Variants in DEPDC1 observed in about 807,000 individuals in gnomAD.
DEPDC1 encodes the protein DEP domain-containing protein 1A.
In DEPDC1, 66 loss-of-function variants were observed where a neutral mutation model predicts 86.8. The observed-to-expected ratio is 0.76, with a 90% CI of 0.62 to 0.93. The LOEUF is 0.93. Among genes scored for constraint, DEPDC1 ranks in the 40% least tolerant of loss-of-function variants. The pLI, the probability that DEPDC1 is intolerant of heterozygous loss-of-function variation, is 0.00. For missense variants in DEPDC1, 792 were observed against 935.7 expected, an observed-to-expected ratio of 0.85 and a Z score of 2.00; for synonymous variants, 255 against 314.9, an observed-to-expected ratio of 0.81 and a Z score of 2.02.
chr1:68,478,446 A>ATTT (rs34245196), intron 10 of DEPDC1, among the ~76,000 whole-genome samples: 2 of 146,270 alleles, frequency 1.4e-5, no homozygotes, highest in African/African-American at 5.0e-5. Context: ...GTTTTCATGT[A>ATTT]TTTTTTTTTT....
In DEPDC1 at chr1:68,479,203, C is replaced by T; in HGVS notation, c.2053G>A (p.Val685Ile). Residue 685 changes from valine to isoleucine, a missense_variant, in exon 10 of 12, where the codon GTA becomes ATA. Coordinates refer to ENST00000456315, the MANE Select transcript of DEPDC1 (RefSeq NM_001114120.3). ...ACTGCAGTCTGTAAGTAAGAGGGTA[C>T]TTGAAGAATTTCCTGATGATGATCC... The part of the protein sequence containing the change: ...LMDHHQEILQ[V>I]PSYLQTAVEK... 1.2e-6 allele frequency: 2 copies of T among 1,612,066 alleles called. No individual in the cohort carries two copies. Among genetic ancestry groups the T allele is most frequent in the Non-Finnish European group, 1.7e-6 (2 of 1,179,250 alleles).
At chr1:68,491,066 A>G (rs957151020) in intron 2 of DEPDC1, among the ~76,000 whole-genome samples, 2 of 152,234 alleles carry the variant, frequency 1.3e-5, no homozygotes, top group African/African-American at 4.8e-5. Flanking sequence ...TGTAAAACCC[A>G]AAACTATAAA....
In DEPDC1 at chr1:68,474,546, C is replaced by T. The variant is rs895678726; in HGVS notation, c.*2386G>A. Reference sequence around the variant, plus strand: ...CCAGACATCATCTGATCTGGTGAAACCTGTGCATTCCCACAATTAGGCTTT... The same window carrying T: ...CCAGACATCATCTGATCTGGTGAAATCTGTGCATTCCCACAATTAGGCTTT... On this transcript the variant is annotated 3_prime_UTR_variant, in exon 12 of 12. Transcript: ENST00000456315. 6 of 152,008 alleles carry T rather than the reference C, an allele frequency of 3.9e-5. No individual in the cohort carries two copies. Among genetic ancestry groups the T allele is most frequent in the African/African-American group, 4.8e-5 (2 of 41,404 alleles). 9.4% of individuals were successfully genotyped at this position (152,008 alleles called of 1,614,324 possible).
chr1:68,491,259 G>A (rs957690050), intron 2 of DEPDC1, among the ~76,000 whole-genome samples: 1 of 152,092 alleles, frequency 6.6e-6, no homozygotes, highest in Non-Finnish European at 1.5e-5. Flanking sequence ...TATCGAATGG[G>A]AGAAAATTTT....
Position 68,474,704 on chromosome 1 carries a change from T to TCATC in DEPDC1, c.*2227_*2228insGATG, listed in dbSNP as rs1646103031. On this transcript the variant is annotated 3_prime_UTR_variant, in exon 12 of 12. Coordinates refer to ENST00000456315, the MANE Select transcript of DEPDC1 (RefSeq NM_001114120.3). Reference sequence around the variant, plus strand: ...CCAGTCAACTCATCTATATTTGAACTTAAAGATCTTTATGTTAGAATGGAA... The same window carrying TCATC: ...CCAGTCAACTCATCTATATTTGAACTCATCTAAAGATCTTTATGTTAGAATGGAA... 6.6e-6 allele frequency: 1 copy of TCATC among 152,034 alleles called. No homozygotes were observed. The highest frequency in any genetic ancestry group is 2.1e-4 in the South Asian group (1 of 4,822). 9.4% of individuals were successfully genotyped at this position (152,034 alleles called of 1,614,324 possible). A position where few individuals can be genotyped will look rare whatever the true frequency, so the allele number is the denominator to read the frequency against.
At chr1:68,482,971 A>C (rs1176639464) in intron 7 of DEPDC1, 74 bp from the exon 8 acceptor site, 1 of 1,439,550 alleles carries the variant, frequency 6.9e-7, no homozygotes, top group Non-Finnish European at 9.4e-7. Flanking sequence ...AACAATAGTA[A>C]AGTTAAAAAA....
At chr1:68,483,756 G>A (rs1331472235) in intron 7 of DEPDC1, among the ~76,000 whole-genome samples, 194 bp downstream of exon 7, 1 of 152,026 alleles carries the variant, frequency 6.6e-6, no homozygotes, top group Non-Finnish European at 1.5e-5. Flanking sequence ...AGTCTGGTAG[G>A]GGGTTGAGGG....
At chr1:68,494,841 C>T in intron 1 of DEPDC1, 146 bp from the exon 2 acceptor site, 1 of 799,454 alleles carries the variant, frequency 1.3e-6, no homozygotes. Flanking sequence ...CTTATTTGTG[C>T]CATATAAAAT....
chr1:68,480,037 A>G (rs1646144580), intron 9 of DEPDC1, among the ~76,000 whole-genome samples: 1 of 152,048 alleles, frequency 6.6e-6, no homozygotes, highest in Non-Finnish European at 1.5e-5. Context: ...GAACACTTCT[A>G]TTCATAAGTG....
chr1:68,479,041 T>G (rs750079028), intron 10 of DEPDC1, 103 bp downstream of exon 10: 2 of 978,786 alleles, frequency 2.0e-6, no homozygotes, highest in Non-Finnish European at 3.1e-6. Context: ...AGAGGTTGTT[T>G]ATGGGAGCTG....
intron 5 of DEPDC1, among the ~76,000 whole-genome samples, chr1:68,487,597 C>T (rs1159899271): frequency 1.3e-5 from 2 of 151,854 alleles, no homozygotes; most frequent in East Asian, 1.9e-4. Context: ...GGTCTACAGC[C>T]ACATACATAT....
chr1:68,484,635 G>A (rs989856678), intron 6 of DEPDC1, among the ~76,000 whole-genome samples: 1 of 151,958 alleles, frequency 6.6e-6, no homozygotes, highest in Non-Finnish European at 1.5e-5. Flanking sequence ...AACTGAGGCT[G>A]AGAGTACCTT....
chr1:68,485,297 T>C (rs1646186135), intron 6 of DEPDC1, among the ~76,000 whole-genome samples: 5 of 151,928 alleles, frequency 3.3e-5, no homozygotes, highest in Admixed American at 2.0e-4. Flanking sequence ...AGAAAATACA[T>C]GTTTACAGGA....
chr1:68,488,298 G>T, intron 5 of DEPDC1, 76 bp downstream of exon 5: 1 of 1,329,398 alleles, frequency 7.5e-7, no homozygotes, highest in South Asian at 1.8e-5. Context: ...TCAATATTTG[G>T]GTCTCTCTTT....
intron 6 of DEPDC1, among the ~76,000 whole-genome samples, 181 bp from the exon 7 acceptor site, chr1:68,484,271 A>C (rs890285936): frequency 6.6e-6 from 1 of 152,096 alleles, no homozygotes; most frequent in Non-Finnish European, 1.5e-5. Flanking sequence ...CACTGGAAGC[A>C]GTCAATTGCT....
intron 2 of DEPDC1, among the ~76,000 whole-genome samples, chr1:68,492,409 G>A (rs1646235913): frequency 6.6e-6 from 1 of 151,896 alleles, no homozygotes; most frequent in Non-Finnish European, 1.5e-5. Context: ...TGTTACGATC[G>A]TAAAAGACTA....
chr1:68,493,701 G>A (rs1419463465), intron 2 of DEPDC1, among the ~76,000 whole-genome samples: 1 of 152,136 alleles, frequency 6.6e-6, no homozygotes, highest in East Asian at 1.9e-4. Context: ...TCTTTAACCT[G>A]TGGTATATTT....
At chr1:68,495,228 T>G (rs1168079067) in intron 1 of DEPDC1, among the ~76,000 whole-genome samples, 1 of 152,214 alleles carries the variant, frequency 6.6e-6, no homozygotes, top group Non-Finnish European at 1.5e-5. Context: ...GCTTTTTTAT[T>G]AGAAGAACTT....
rs981295938 is a variant in DEPDC1 at position 68,486,411 on chromosome 1, A to G, written c.769+526T>C. ...AGGCCTCCTCAGCCATGTTTCCTATACAACCTGTGGAACCATGAGCCAATT... is the reference window on the plus strand; with the variant it reads ...AGGCCTCCTCAGCCATGTTTCCTATGCAACCTGTGGAACCATGAGCCAATT... On this transcript the variant is annotated intron_variant, in intron 6 of 11. Coordinates refer to ENST00000456315, the MANE Select transcript of DEPDC1 (RefSeq NM_001114120.3). 4.6e-5 allele frequency among the ~76,000 whole-genome samples: 7 copies of G among 152,158 alleles called. No individual in the cohort carries two copies. In the East Asian group the frequency reaches 1.2e-3, roughly 25 times the overall value.
Sources: allele counts gnomAD v4.1 joint callset (sites outside exome capture counted in the v4.1 genomes callset), GRCh38; gene constraint gnomAD v4.1.1; transcripts MANE v1.5; gene names NCBI Gene and HGNC (gene_info 2026-07-23, HGNC 2026-07-21).